CYREN: variants seen among roughly 807,000 people sequenced by gnomAD.
The protein encoded by CYREN is cell cycle regulator of NHEJ.
In CYREN, 7 loss-of-function variants were observed where a neutral mutation model predicts 9.7. That is an observed-to-expected ratio of 0.72 (90% CI 0.41 to 1.36). The LOEUF (loss-of-function observed/expected upper bound fraction) is 1.36, where lower values mean the gene tolerates loss of function less well. Among genes scored for constraint, CYREN ranks in the 40% most tolerant of loss-of-function variants. The pLI is 0.01. For synonymous variants in CYREN, 76 were observed against 77.9 expected (o/e 0.98, Z 0.13); for missense variants, 215 against 198.1 (o/e 1.09, Z -0.51).
Position 135,168,914 on chromosome 7 carries a change from G to A in CYREN, c.9C>T (p.Thr3=), listed in dbSNP as rs545498774. Residue 3 remains threonine (T), a synonymous_variant, in exon 2 of 4, where the codon ACC becomes ACT. Coordinates refer to ENST00000393114, the MANE Select transcript of CYREN (RefSeq NM_024033.4). ...CCCTCGTTTTAGTCTCGGATTGTAA[G>A]GTTTCCATCTCTGTACCTTCTCACA... ME[T]LQSETKTRVL... 2.7e-4 allele frequency: 434 copies of A among 1,607,176 alleles called. 4 individuals are homozygous for A. The South Asian group carries it at 4.7e-3, about 17-fold the overall frequency.
intron 2 of CYREN, chr7:135,128,994 T>C (rs1360961429): frequency 1.9e-5 from 31 of 1,597,636 alleles, no homozygotes; most frequent in Non-Finnish European, 2.7e-5. Context: ...GCATGTGTAC[T>C]GCAAAGACTG....
intron 2 of CYREN, chr7:135,115,653 T>C (rs1433689004): frequency 2.1e-6 from 3 of 1,403,288 alleles, no homozygotes; most frequent in South Asian, 2.8e-5. Flanking sequence ...ATTTAACACA[T>C]CTTTTTTAAA....
chr7:135,138,959 A>T lies in CYREN; in HGVS notation n.356+29790T>A, dbSNP rs181216364. ...ATATGGCTGCATAGTATTCTATGGT[A>T]TATGTGTACCACATTTTCTTTATTC... is the stretch of plus-strand genomic sequence containing the variant. On this transcript the variant is annotated intron_variant and non_coding_transcript_variant, in intron 2 of 2. Transcript: ENST00000459937. 2.6e-4 allele frequency among the ~76,000 whole-genome samples: 40 copies of T among 152,156 alleles called. No individual in the cohort carries two copies. In the East Asian group the frequency reaches 6.8e-3, roughly 26 times the overall value.
At chr7:135,102,801 TA>T (rs1377391271) in intron 2 of CYREN, among the ~76,000 whole-genome samples, 1 of 152,082 alleles carries the variant, frequency 6.6e-6, no homozygotes, top group Non-Finnish European at 1.5e-5. Context: ...TCTAAATATC[TA>T]AGCTAAAATC....
intron 2 of CYREN, chr7:135,153,249 A>C (rs1439319921): frequency 6.6e-6 from 1 of 152,182 alleles, no homozygotes; most frequent in African/African-American, 2.4e-5. Flanking sequence ...AGATCAGGAG[A>C]TCGAGACCAT....
At chr7:135,114,260 G>T (rs975275261) in intron 2 of CYREN, among the ~76,000 whole-genome samples, 35 of 152,012 alleles carry the variant, frequency 2.3e-4, no homozygotes, top group African/African-American at 8.5e-4. Context: ...TTTAATTATT[G>T]AGGAACCATC....
At chr7:135,136,123 A>C (rs1458030586) in intron 2 of CYREN, among the ~76,000 whole-genome samples, 1 of 152,100 alleles carries the variant, frequency 6.6e-6, no homozygotes, top group Admixed American at 6.6e-5. Flanking sequence ...GTAGTAAGTC[A>C]GAAAACAGAA....
At chr7:135,135,238 C>T (rs1200158723) in intron 2 of CYREN, 1 of 1,529,100 alleles carries the variant, frequency 6.5e-7, no homozygotes. Flanking sequence ...CACCTTATAT[C>T]TGAAGTTCCA....
chr7:135,165,729 G>A (rs896443587), downstream of CYREN: 1 of 167,088 alleles, frequency 6.0e-6, no homozygotes, highest in Non-Finnish European at 1.5e-5. Context: ...ACAAACAAAC[G>A]CTGCCACCCT....
downstream of CYREN, among the ~76,000 whole-genome samples, chr7:135,161,345 T>C (rs1311304226): frequency 6.6e-6 from 1 of 152,222 alleles, no homozygotes. This position sits in a 1 kb window ranked among gnomAD's most constrained non-coding sequence, Gnocchi z 4.1. Context: ...TAATTTTTTT[T>C]GGAACCCCAG....
At chr7:135,107,694 G>A (rs964593997) in intron 2 of CYREN, among the ~76,000 whole-genome samples, 8 of 152,164 alleles carry the variant, frequency 5.3e-5, no homozygotes, top group Non-Finnish European at 8.8e-5. Context: ...ATATTCTGTT[G>A]ATTTAGGATG....
At chr7:135,130,402 G>A (rs1378628125) in intron 2 of CYREN, among the ~76,000 whole-genome samples, 1 of 152,070 alleles carries the variant, frequency 6.6e-6, no homozygotes, top group Middle Eastern at 3.2e-3. Context: ...AGTGATACTG[G>A]CTCAGAAGAA....
In CYREN at chr7:135,122,752, G is replaced by A. The variant is rs572356084; in HGVS notation, n.357-28170C>T. On this transcript the variant is annotated intron_variant and non_coding_transcript_variant, in intron 2 of 2. Coordinates refer to the CYREN transcript ENST00000459937. The stretch of plus-strand genomic sequence containing the variant: ...CAGGCCCAGGAGTGAACCAGATGAC[G>A]AGGGCCTGAAGTGAAACCCCAGCAA... Among the ~76,000 whole-genome samples the A allele has an allele frequency of 7.2e-5, 11 of 152,190 alleles. No individual in the cohort carries two copies. In the East Asian group the frequency reaches 1.9e-3, roughly 27 times the overall value.
intron 2 of CYREN, among the ~76,000 whole-genome samples, chr7:135,150,579 C>T (rs528410880): frequency 5.9e-5 from 9 of 152,170 alleles, no homozygotes; most frequent in South Asian, 2.1e-4. Flanking sequence ...TTTGTAATTG[C>T]GGAAGAGAGG....
chr7:135,135,368 C>T, intron 2 of CYREN: 1 of 1,021,520 alleles, frequency 9.8e-7, no homozygotes, highest in Non-Finnish European at 1.3e-6. Flanking sequence ...TATCTCTCCC[C>T]TTACACATGC....
At chr7:135,146,603 A>G (rs1829552130) in intron 2 of CYREN, among the ~76,000 whole-genome samples, 1 of 152,238 alleles carries the variant, frequency 6.6e-6, no homozygotes, top group African/African-American at 2.4e-5. Flanking sequence ...AAACAAAACT[A>G]TAACCAATTT....
At chr7:135,093,253 G>A (rs1419647292) in exon 3 of CYREN, 4 of 151,606 alleles carry the variant, frequency 2.6e-5, no homozygotes, top group African/African-American at 9.7e-5. Context: ...ATTTCTATTT[G>A]TAGGATATAT....
At chr7:135,110,077 A>G (rs1331292379) in intron 2 of CYREN, among the ~76,000 whole-genome samples, 1 of 152,022 alleles carries the variant, frequency 6.6e-6, no homozygotes, top group African/African-American at 2.4e-5. Context: ...GCTGCAAAAC[A>G]GCAAAGATAG....
chr7:135,095,203 G>T (rs1183977606), intron 2 of CYREN, among the ~76,000 whole-genome samples: 1 of 152,114 alleles, frequency 6.6e-6, no homozygotes, highest in Admixed American at 6.6e-5. Flanking sequence ...GAAAAGCTAA[G>T]AAACACTTAT....
Sources: gnomAD v4.1 joint callset for allele counts (sites outside exome capture counted in the v4.1 genomes callset) on GRCh38, gnomAD v4.1.1 for gene constraint, Gnocchi (gnomAD v3.1) non-coding constraint, MANE v1.5 for transcripts, NCBI Gene and HGNC (gene_info 2026-07-23, HGNC 2026-07-21) for gene names.